Variants in KIF24 observed in about 807,000 individuals in gnomAD.
KIF24 encodes the protein kinesin family member 24.
In KIF24, 81 loss-of-function variants were observed where a neutral mutation model predicts 118.9. That is an observed-to-expected ratio of 0.68 (90% CI 0.57 to 0.82). The LOEUF (loss-of-function observed/expected upper bound fraction) is 0.82. Among genes scored for constraint, KIF24 ranks in the 40% least tolerant of loss-of-function variants. KIF24 has a pLI of 0.00. For synonymous variants in KIF24, 599 were observed against 610.0 expected, an observed-to-expected ratio of 0.98 and a Z score of 0.27; for missense variants, 1,560 against 1,661.6, an observed-to-expected ratio of 0.94 and a Z score of 1.06.
At position 34,257,352 on chromosome 9, in the gene KIF24, T is replaced by C; in HGVS notation, c.2255A>G (p.Asn752Ser). 2 of 1,614,034 alleles carry C rather than the reference T, an allele frequency of 1.2e-6. No individual in the cohort carries two copies. Among genetic ancestry groups the C allele is most frequent in the South Asian group, 2.2e-5 (2 of 91,084 alleles). The change falls in exon 11 of 13, where the codon AAC becomes AGC. Residue 752 changes from asparagine (N) to serine (S), a missense_variant. By Grantham distance (46) the Asn-to-Ser change is conservative. Around this residue, in one of 3 missense-constraint regions of KIF24, gnomAD observed 964 missense variants for 988.0 expected, o/e 0.98. Transcript: ENST00000402558. ...PARPASEAWT[N>S]IPPHQKEREE... is the part of the protein sequence containing the mutation. ...CCTCTCCTTCTGATGTGGCGGGATGTTTGTCCAAGCTTCAGAGGCAGGCCT... is the reference window on the plus strand; with the variant it reads ...CCTCTCCTTCTGATGTGGCGGGATGCTTGTCCAAGCTTCAGAGGCAGGCCT...
chr9:34,281,114 C>T (rs1835835408), intron 6 of KIF24, among the ~76,000 whole-genome samples: 1 of 152,170 alleles, frequency 6.6e-6, no homozygotes, highest in South Asian at 2.1e-4. Flanking sequence ...CAACCTCTGC[C>T]TTCCGGGCTC....
intron 4 of KIF24, among the ~76,000 whole-genome samples, chr9:34,294,625 T>G (rs1052431528): frequency 4.6e-5 from 7 of 152,160 alleles, no homozygotes; most frequent in Non-Finnish European, 8.8e-5. Flanking sequence ...AACAGGAGAA[T>G]AGACAAAACA....
At chr9:34,315,202 T>C (rs1360942481) in intron 1 of KIF24, among the ~76,000 whole-genome samples, 4 of 152,136 alleles carry the variant, frequency 2.6e-5, no homozygotes, top group African/African-American at 9.6e-5. Flanking sequence ...CTGTATTATT[T>C]ATTTTAAACA....
At chr9:34,280,369 C>A (rs1054194475) in intron 6 of KIF24, among the ~76,000 whole-genome samples, 4 of 150,448 alleles carry the variant, frequency 2.7e-5, no homozygotes, top group African/African-American at 9.8e-5. Flanking sequence ...CACCAGACTG[C>A]CAGCATTTAC....
chr9:34,325,894 C>T (rs1186098699), intron 1 of KIF24, among the ~76,000 whole-genome samples: 1 of 152,148 alleles, frequency 6.6e-6, no homozygotes, highest in Non-Finnish European at 1.5e-5. Context: ...TGAGTCACTG[C>T]TCCTGGACAC....
At chr9:34,265,887 T>G (rs1835266809) in intron 8 of KIF24, among the ~76,000 whole-genome samples, 1 of 152,148 alleles carries the variant, frequency 6.6e-6, no homozygotes, top group East Asian at 1.9e-4. Flanking sequence ...ATTGGCTTTC[T>G]TCAGACGAGA....
At position 34,318,715 on chromosome 9, in the gene KIF24, C is replaced by T. The variant is rs768909074; in HGVS notation, c.-25-7344G>A. 9 of 1,504,988 alleles carry T rather than the reference C, an allele frequency of 6.0e-6. No homozygotes were observed. The highest frequency in any genetic ancestry group is 2.3e-5 in the East Asian group (1 of 42,812). The allele number at this position is 1,504,988 out of a possible 1,614,324, so 93.2% of individuals were successfully genotyped here. ...TGCTGAGTGCCAAGCAGCTGAGCGA[C>T]GAGGAGGTGCACGCCGGCGTGGGCG... On this transcript the variant is annotated intron_variant, in intron 1 of 12. Coordinates refer to ENST00000402558, the MANE Select transcript of KIF24 (RefSeq NM_194313.4). This position sits in a 1 kb window ranked among gnomAD's most constrained non-coding sequence, Gnocchi z 4.9.
intron 2 of KIF24, among the ~76,000 whole-genome samples, chr9:34,308,371 C>T (rs1046972105): frequency 5.3e-5 from 8 of 151,704 alleles, no homozygotes; most frequent in Non-Finnish European, 1.2e-4. Context: ...GCAACCTCTG[C>T]CTCCTGGGTT....
chr9:34,258,901 T>A (rs1834954558), intron 10 of KIF24, among the ~76,000 whole-genome samples: 1 of 152,200 alleles, frequency 6.6e-6, no homozygotes, highest in Non-Finnish European at 1.5e-5. Context: ...TCTTGAAGGA[T>A]GTTTAGCAGC....
chr9:34,309,540 C>CAAA (rs397960934), intron 2 of KIF24, among the ~76,000 whole-genome samples: 20 of 65,090 alleles, frequency 3.1e-4, no homozygotes, highest in East Asian at 9.7e-4. Context: ...GACTCCGTCT[C>CAAA]AAAAAAAAAA....
chr9:34,316,506 C>A (rs923831524), intron 1 of KIF24, among the ~76,000 whole-genome samples: 3 of 152,134 alleles, frequency 2.0e-5, no homozygotes, highest in Admixed American at 6.5e-5. Flanking sequence ...AGGGCCCTTA[C>A]GACTTTAAGA....
chr9:34,306,123 A>C, intron 3 of KIF24, 129 bp downstream of exon 3: 1 of 669,160 alleles, frequency 1.5e-6, no homozygotes, highest in South Asian at 1.9e-5. Context: ...AATGAATGTC[A>C]ACACCCGAAC....
At chr9:34,287,557 C>T (rs993822444) in intron 5 of KIF24, among the ~76,000 whole-genome samples, 1 of 152,106 alleles carries the variant, frequency 6.6e-6, no homozygotes, top group South Asian at 2.1e-4. Flanking sequence ...GGGTTAAGAA[C>T]GGAATTCCAC....
chr9:34,318,845 CGCA>C lies in KIF24; in HGVS notation c.-25-7477_-25-7475del, dbSNP rs1245570546. ...AGTGAGTTTCGCTGATGACTTCGTG[CGCA>C]GCAGCAAGCAGCACTACAACTGCGA... On this transcript the variant is annotated intron_variant, in intron 1 of 12. Transcript: ENST00000402558. This position sits in a 1 kb window ranked among gnomAD's most constrained non-coding sequence, Gnocchi z 4.9. 21 of 1,601,276 alleles carry C rather than the reference CGCA, an allele frequency of 1.3e-5. No homozygotes were observed. The African/African-American group carries it at 2.3e-4, about 17-fold the overall frequency.
intron 5 of KIF24, among the ~76,000 whole-genome samples, chr9:34,287,593 T>A (rs1836096724): frequency 6.6e-6 from 1 of 152,184 alleles, no homozygotes; most frequent in Non-Finnish European, 1.5e-5. Flanking sequence ...ACAAGAATGA[T>A]TTTCTCAAAA....
At chr9:34,313,242 G>A (rs1194431985) in intron 1 of KIF24, among the ~76,000 whole-genome samples, 17 of 152,054 alleles carry the variant, frequency 1.1e-4, no homozygotes, top group Non-Finnish European at 7.4e-5. Context: ...GACTATCCAG[G>A]CCCAGTGGCA....
In KIF24 at chr9:34,324,485, C is replaced by T. The variant is rs570205041; in HGVS notation, c.-26+4621G>A. On this transcript the variant is annotated intron_variant, in intron 1 of 12. Coordinates refer to ENST00000402558, the MANE Select transcript of KIF24 (RefSeq NM_194313.4). ...TCCTCTCCTATCCTTATTTCTACCA[C>T]CACTGCTCTGGTGATTCAGCCCCAT... is the stretch of plus-strand genomic sequence containing the variant. Among the ~76,000 whole-genome samples, 10 of 152,318 alleles carry T rather than the reference C, an allele frequency of 6.6e-5. 1 individual carries two copies. Among genetic ancestry groups the T allele is most frequent in the African/African-American group, 2.4e-4 (10 of 41,568 alleles).
At chr9:34,294,161 C>T (rs1836368342) in intron 4 of KIF24, among the ~76,000 whole-genome samples, 1 of 152,074 alleles carries the variant, frequency 6.6e-6, no homozygotes, top group African/African-American at 2.4e-5. Context: ...CACTATATTG[C>T]CCAGGCTGGT....
chr9:34,280,283 CAAAAAAAAAAAAAAAAAAA>C (rs56387532), intron 6 of KIF24, among the ~76,000 whole-genome samples: 1 of 64,456 alleles, frequency 1.6e-5, no homozygotes, highest in Non-Finnish European at 2.5e-5. Flanking sequence ...GACTCCGTCT[CAAAAAAAAAAAAAAAAAAA>C]AAAAAAAAAA....
Sources: allele counts gnomAD v4.1 joint callset (sites outside exome capture counted in the v4.1 genomes callset), GRCh38; gene constraint gnomAD v4.1.1; regional missense constraint gnomAD v4.1.1; non-coding constraint Gnocchi (gnomAD v3.1); transcripts MANE v1.5; gene names NCBI Gene and HGNC (gene_info 2026-07-23, HGNC 2026-07-21).